The following RICTOR variants were observed in gnomAD, a reference collection of about 807,000 sequenced individuals.
RICTOR encodes RPTOR independent companion of MTOR complex 2, also known as rapamycin-insensitive companion of mTOR.
A neutral mutation model predicts 214.9 loss-of-function variants in RICTOR; 49 were observed. The observed-to-expected ratio is 0.23, with a 90% confidence interval of 0.18 to 0.29. RICTOR has a LOEUF of 0.29. Among genes scored for constraint, RICTOR ranks in the 10% least tolerant of loss-of-function variants. The pLI is 1.00. For synonymous variants in RICTOR, 717 were observed against 711.3 expected (o/e 1.01, Z -0.13); for missense variants, 1,625 against 2,047.0 (o/e 0.79, Z 3.98).
At position 38,950,289 on chromosome 5, in the gene RICTOR, T is replaced by C; in HGVS notation, c.3559A>G (p.Lys1187Glu). The change falls in exon 31 of 38, where the codon AAG (lysine) becomes GAG (glutamate). Residue 1187 changes from lysine to glutamate, a missense_variant. Around this residue, in one of 5 missense-constraint regions of RICTOR, gnomAD observed 1,214 missense variants for 1,470.5 expected, o/e 0.83. Coordinates refer to ENST00000357387, the MANE Select transcript of RICTOR (RefSeq NM_152756.5). Reference sequence around the variant, plus strand: ...CTGTGATTCTCTGTACCAAAATTCTTGGTGAATTTTAAGTCATTTTCTCCA... The same window carrying C: ...CTGTGATTCTCTGTACCAAAATTCTCGGTGAATTTTAAGTCATTTTCTCCA... ...SIGENDLKFT[K>E]NFGTENHREN... 1 of 1,613,272 alleles carries C rather than the reference T, an allele frequency of 6.2e-7. No homozygotes were observed. The highest frequency in any genetic ancestry group is 8.5e-7 in the Non-Finnish European group (1 of 1,179,334).
Position 38,969,461 on chromosome 5 carries a change from C to T in RICTOR, c.973-1431G>A, listed in dbSNP as rs188380580. 5.5e-3 allele frequency among the ~76,000 whole-genome samples: 838 copies of T among 151,872 alleles called. 6 individuals are homozygous for T. Among genetic ancestry groups the T allele is most frequent in the Non-Finnish European group, 8.5e-3 (575 of 67,940 alleles). On this transcript the variant is annotated intron_variant, in intron 11 of 37. Coordinates refer to ENST00000357387, the MANE Select transcript of RICTOR (RefSeq NM_152756.5). ...TGAAAATTATAAACTAAAAAGGTTA[C>T]AGTAAGCTAATTATTTTTGAAGAAA...
intron 2 of RICTOR, among the ~76,000 whole-genome samples, chr5:39,056,906 T>C (rs1758241478): frequency 6.6e-6 from 1 of 152,132 alleles, no homozygotes; most frequent in Non-Finnish European, 1.5e-5. Flanking sequence ...AGGAGACAGT[T>C]AGGAAATGAG....
At chr5:39,012,839 T>C in intron 3 of RICTOR, among the ~76,000 whole-genome samples, 1 of 152,172 alleles carries the variant, frequency 6.6e-6, no homozygotes, top group East Asian at 1.9e-4. Flanking sequence ...ATGCATTTTT[T>C]TTAATTGGCT....
intron 3 of RICTOR, among the ~76,000 whole-genome samples, chr5:39,016,635 T>A (rs75809181): frequency 2.0e-5 from 3 of 151,674 alleles, no homozygotes; most frequent in Non-Finnish European, 2.9e-5. Context: ...CAGAAATAAA[T>A]GAAGAATGAG....
In RICTOR at chr5:39,074,112, T is replaced by A; in HGVS notation, c.96A>T (p.Arg32=). The change falls in exon 2 of 38, where the codon CGA becomes CGT. Residue 32 remains arginine, a splice_region_variant and synonymous_variant. Transcript: ENST00000357387. ...GGCGCCCGCGGCGCCCCGCGTTACC[T>A]CGGGTCAGATCCAGCGGGACGTTCT... ...GEENVPLDLT[R]EPSDNLREIL... The A allele has an allele frequency of 6.4e-7, 1 of 1,568,836 alleles. No homozygotes were observed. The highest frequency in any genetic ancestry group is 8.6e-7 in the Non-Finnish European group (1 of 1,160,322).
chr5:38,945,385 C>T, intron 34 of RICTOR, 106 bp downstream of exon 34: 2 of 737,636 alleles, frequency 2.7e-6, no homozygotes, highest in Non-Finnish European at 2.3e-6. Context: ...TGCAGCTCAC[C>T]AGCTGGGAAA....
intron 2 of RICTOR, among the ~76,000 whole-genome samples, chr5:39,045,103 A>C (rs541208579): frequency 7.9e-5 from 12 of 152,200 alleles, no homozygotes; most frequent in Non-Finnish European, 1.6e-4. Flanking sequence ...ATTAGAATTG[A>C]GTACTTGGGC....
At chr5:38,971,717 G>A (rs1561477743) in intron 11 of RICTOR, 160 bp downstream of exon 11, 8 of 528,750 alleles carry the variant, frequency 1.5e-5, no homozygotes, top group Non-Finnish European at 2.0e-5. Context: ...TTATATTTAG[G>A]GTTTAACTAA....
chr5:38,957,614 A>AAACAC (rs752104976), intron 25 of RICTOR, 38 bp downstream of exon 25: 1 of 1,106,372 alleles, frequency 9.0e-7, no homozygotes, highest in East Asian at 2.4e-5. Context: ...CAGAAGATAA[A>AAACAC]AACACACAAA....
At position 38,967,195 on chromosome 5, in the gene RICTOR, A is replaced by G; in HGVS notation, c.1184T>C (p.Ile395Thr). The change falls in exon 14 of 38, where the codon ATA becomes ACA. Residue 395 changes from isoleucine (I) to threonine (T), a missense_variant. This residue lies in a region of RICTOR where 1,214 missense variants were observed against 1,470.5 expected (regional missense o/e 0.83). Coordinates refer to ENST00000357387, the MANE Select transcript of RICTOR (RefSeq NM_152756.5). Reference protein sequence around the residue: ...PDLMDNYLALILSAFIRNGLL... With the variant: ...PDLMDNYLALTLSAFIRNGLL... ...TCCATTACGAATAAATGCAGAGAGT[A>G]TCAGTGCCAAATAATTATCCATGAG... 6.2e-7 allele frequency: 1 copy of G among 1,612,404 alleles called. No individual in the cohort carries two copies. Among genetic ancestry groups the G allele is most frequent in the Non-Finnish European group, 8.5e-7 (1 of 1,178,408 alleles).
chr5:39,005,373 A>G (rs899138540), intron 3 of RICTOR, among the ~76,000 whole-genome samples: 1 of 151,166 alleles, frequency 6.6e-6, no homozygotes, highest in Admixed American at 6.6e-5. Flanking sequence ...TTTTATCTCA[A>G]TGCTTCAGTT....
Position 38,940,738 on chromosome 5 carries a change from C to A in RICTOR, c.*1566G>T, listed in dbSNP as rs973260428. 1 of 232,436 alleles carries A rather than the reference C, an allele frequency of 4.3e-6. No individual in the cohort carries two copies. Among genetic ancestry groups the A allele is most frequent in the Non-Finnish European group, 8.5e-6 (1 of 117,378 alleles). 14.4% of individuals were successfully genotyped at this position (232,436 alleles called of 1,614,324 possible). On this transcript the variant is annotated 3_prime_UTR_variant, in exon 38 of 38. Transcript: ENST00000357387. ...ATGAAGTGAGATGAAATGCTTCATC[C>A]CAACTGGAACTTTCAGTTCCAGTAA...
chr5:39,002,656 C>T lies in RICTOR; in HGVS notation c.271G>A (p.Ala91Thr), dbSNP rs780509992. 1.9e-5 allele frequency: 30 copies of T among 1,606,052 alleles called. 1 individual carries two copies. The highest frequency in any genetic ancestry group is 2.5e-5 in the Non-Finnish European group (29 of 1,177,512). ...YEDIIICLRL[A>T]LLNEAKEVRA... ...ACTTCTTTTGCTTCATTTAATAAAG[C>T]TAACCGCAAACTGTATGAAAACAAA... Residue 91 changes from alanine to threonine, a missense_variant, in exon 5 of 38, where the codon GCT becomes ACT. Ala to Thr is a moderately conservative substitution (Grantham distance 58). This residue lies in a region of RICTOR where 258 missense variants were observed against 393.7 expected (regional missense o/e 0.66). Transcript: ENST00000357387.
At chr5:38,949,052 A>G (rs1363178641) in intron 31 of RICTOR, among the ~76,000 whole-genome samples, 1 of 152,052 alleles carries the variant, frequency 6.6e-6, no homozygotes, top group African/African-American at 2.4e-5. Context: ...AAAACTAAGG[A>G]AAGTTGTTTA....
chr5:39,053,883 T>A (rs1758019210), intron 2 of RICTOR, among the ~76,000 whole-genome samples: 2 of 100,298 alleles, frequency 2.0e-5, no homozygotes, highest in Non-Finnish European at 3.7e-5. Context: ...ACAGCGAGAC[T>A]CCGTCTCAAA....
chr5:38,960,359 T>C, intron 20 of RICTOR, 39 bp downstream of exon 20: 2 of 1,596,918 alleles, frequency 1.3e-6, no homozygotes, highest in Non-Finnish European at 1.7e-6. Flanking sequence ...GCAAATTCAA[T>C]AAAAAACATT....
At position 38,971,925 on chromosome 5, in the gene RICTOR, C is replaced by G. The variant is rs1750820580; in HGVS notation, c.924G>C (p.Gly308=). ...AAAGTACTCCTATTAGAGACTGGAT[C>G]CCAGAATTTCCAGGTTTACATAAAT... ...IINLCKPGNS[G]IQSLIGVLCI... is the part of the protein sequence containing the mutation. The change falls in exon 11 of 38, where the codon GGG becomes GGC. Residue 308 remains glycine, a synonymous_variant. Coordinates refer to ENST00000357387, the MANE Select transcript of RICTOR (RefSeq NM_152756.5). 2 of 1,473,882 alleles carry G rather than the reference C, an allele frequency of 1.4e-6. No homozygotes were observed. Among genetic ancestry groups the G allele is most frequent in the Non-Finnish European group, 9.5e-7 (1 of 1,057,318 alleles). The allele number at this position is 1,473,882 out of a possible 1,614,324, so 91.3% of individuals were successfully genotyped here. A position where few individuals can be genotyped will look rare whatever the true frequency, so the allele number is the denominator to read the frequency against.
rs1483781059 is a variant in RICTOR, at chr5:38,942,227, G to A, written c.*77C>T. On this transcript the variant is annotated 3_prime_UTR_variant, in exon 38 of 38. Transcript: ENST00000357387. ...TCCTGTCTTTGCTGCCTAGTCAGTC[G>A]TATTTTCTGAGGCTTTTAGGAAATC... is the stretch of plus-strand genomic sequence containing the variant. 8 of 840,258 alleles carry A rather than the reference G, an allele frequency of 9.5e-6. No homozygotes were observed. The highest frequency in any genetic ancestry group is 3.7e-5 in the Admixed American group (2 of 54,398). 52.1% of individuals were successfully genotyped at this position (840,258 alleles called of 1,614,324 possible).
In RICTOR at chr5:38,940,140, A is replaced by AC; in HGVS notation, c.*2163_*2164insG. On this transcript the variant is annotated 3_prime_UTR_variant, in exon 38 of 38. Transcript: ENST00000357387. ...TTTTCAAAGTAACAGTAAAAAAAAAAAACAAAAAAAAAAACACAAAACATT... is the reference window on the plus strand; with the variant it reads ...TTTTCAAAGTAACAGTAAAAAAAAAACAACAAAAAAAAAAACACAAAACATT... 2 of 207,350 alleles carry AC rather than the reference A, an allele frequency of 9.6e-6. No homozygotes were observed. Among genetic ancestry groups the AC allele is most frequent in the East Asian group, 6.4e-5 (1 of 15,574 alleles). The allele number at this position is 207,350 out of a possible 1,614,324, so 12.8% of individuals were successfully genotyped here. A position where few individuals can be genotyped will look rare whatever the true frequency, so the allele number is the denominator to read the frequency against.
Sources: allele counts gnomAD v4.1 joint callset (sites outside exome capture counted in the v4.1 genomes callset), GRCh38; gene constraint gnomAD v4.1.1; regional missense constraint gnomAD v4.1.1; transcripts MANE v1.5; gene names NCBI Gene and HGNC (gene_info 2026-07-23, HGNC 2026-07-21).